The following ARL15 variants were observed in gnomAD, a reference collection of about 807,000 sequenced individuals.
The protein encoded by ARL15 is ADP-ribosylation factor-like protein 15.
In ARL15, 19 loss-of-function variants were observed where a neutral mutation model predicts 25.2. The ratio of observed to expected loss-of-function variants is 0.75; its 90% CI spans 0.53 to 1.10. ARL15 has a LOEUF of 1.10. ARL15 is among the 50% of genes least tolerant of loss of function. The pLI, the probability that ARL15 is intolerant of heterozygous loss-of-function variation, is 0.00. For missense variants in ARL15, 220 were observed against 246.0 expected, an observed-to-expected ratio of 0.89 and a Z score of 0.71; for synonymous variants, 94 against 86.8, an observed-to-expected ratio of 1.08 and a Z score of -0.46.
intron 1 of ARL15, among the ~76,000 whole-genome samples, chr5:54,202,061 T>C (rs1755740307): frequency 6.6e-6 from 1 of 152,146 alleles, no homozygotes. Flanking sequence ...ATGAATGAGC[T>C]CTCTCTTTAG....
intron 4 of ARL15, among the ~76,000 whole-genome samples, chr5:54,073,111 A>G (rs888013335): frequency 2.0e-5 from 3 of 152,248 alleles, no homozygotes; most frequent in Non-Finnish European, 4.4e-5. Context: ...AAAAAAGAAC[A>G]TATAACTGTA....
chr5:54,128,520 T>A (rs956635981), intron 3 of ARL15, among the ~76,000 whole-genome samples: 3 of 152,156 alleles, frequency 2.0e-5, no homozygotes, highest in South Asian at 4.1e-4. Context: ...GTAGCTTCTA[T>A]GTATCAGACG....
At chr5:53,893,911 C>T (rs1744794843) in intron 4 of ARL15, among the ~76,000 whole-genome samples, 1 of 152,144 alleles carries the variant, frequency 6.6e-6, no homozygotes, top group African/African-American at 2.4e-5. Context: ...TTCCTCTTTT[C>T]ATTGCAGGAT....
chr5:54,139,439 T>A (rs1753707316), intron 3 of ARL15, among the ~76,000 whole-genome samples: 1 of 152,164 alleles, frequency 6.6e-6, no homozygotes, highest in South Asian at 2.1e-4. Flanking sequence ...TATATGTTCT[T>A]AGTTATAAGT....
At chr5:54,159,354 G>A (rs890336353) in intron 2 of ARL15, among the ~76,000 whole-genome samples, 3 of 152,130 alleles carry the variant, frequency 2.0e-5, no homozygotes, top group African/African-American at 7.2e-5. Context: ...GTCCTCTGAT[G>A]CCATCTTCAG....
chr5:54,052,454 A>G (rs1006512448), intron 4 of ARL15, among the ~76,000 whole-genome samples: 1 of 152,182 alleles, frequency 6.6e-6, no homozygotes, highest in Non-Finnish European at 1.5e-5. Flanking sequence ...ACTAAAGGTA[A>G]AGGAAACTGT....
chr5:54,305,864 T>C (rs953401198), intron 1 of ARL15, among the ~76,000 whole-genome samples: 2 of 152,194 alleles, frequency 1.3e-5, no homozygotes, highest in Non-Finnish European at 2.9e-5. Flanking sequence ...GAGGCTACTA[T>C]AAACAAATGC....
intron 1 of ARL15, among the ~76,000 whole-genome samples, chr5:54,191,445 T>C (rs1755397504): frequency 6.6e-6 from 1 of 151,982 alleles, no homozygotes; most frequent in Admixed American, 6.6e-5. Flanking sequence ...GCTGCATACT[T>C]AAAAATAGTT....
At chr5:54,114,070 T>C (rs1369184920) in intron 3 of ARL15, among the ~76,000 whole-genome samples, 1 of 152,034 alleles carries the variant, frequency 6.6e-6, no homozygotes, top group Non-Finnish European at 1.5e-5. Context: ...TGAGATAAGA[T>C]GTTTATTAAA....
chr5:54,038,477 GAACT>G (rs1554035772), intron 4 of ARL15, among the ~76,000 whole-genome samples: 1 of 151,620 alleles, frequency 6.6e-6, no homozygotes, highest in Non-Finnish European at 1.5e-5. Flanking sequence ...AAATAACAGA[GAACT>G]AAGTTCCACC....
intron 1 of ARL15, among the ~76,000 whole-genome samples, chr5:54,227,381 A>T (rs1256536507): frequency 2.0e-5 from 3 of 152,226 alleles, no homozygotes; most frequent in Non-Finnish European, 4.4e-5. Flanking sequence ...GCCTTTACAC[A>T]GCTCTTTCAT....
chr5:54,275,035 A>G (rs1757891130), intron 1 of ARL15, among the ~76,000 whole-genome samples: 1 of 152,260 alleles, frequency 6.6e-6, no homozygotes, highest in South Asian at 2.1e-4. Flanking sequence ...TATTGATATC[A>G]TAAAGAAAAC....
intron 4 of ARL15, among the ~76,000 whole-genome samples, chr5:53,942,117 G>A (rs1746557752): frequency 6.6e-6 from 1 of 152,042 alleles, no homozygotes; most frequent in Non-Finnish European, 1.5e-5. Flanking sequence ...AATACTGTAG[G>A]TTCAGGATAT....
At chr5:54,201,793 T>C (rs1255120224) in intron 1 of ARL15, among the ~76,000 whole-genome samples, 5 of 152,136 alleles carry the variant, frequency 3.3e-5, no homozygotes, top group South Asian at 2.1e-4. Context: ...CTGAGCATCA[T>C]TGAATAATTT....
At chr5:54,154,313 G>T in intron 3 of ARL15, 1 of 291,478 alleles carries the variant, frequency 3.4e-6, no homozygotes, top group East Asian at 6.3e-5. Context: ...TTTTGAACAA[G>T]TAAAACCAAT....
intron 4 of ARL15, among the ~76,000 whole-genome samples, chr5:54,064,802 G>C (rs561138328): frequency 6.6e-6 from 1 of 152,006 alleles, no homozygotes; most frequent in African/African-American, 2.4e-5. Context: ...AGGTAACAGG[G>C]GTTTGAACTG....
chr5:53,971,627 C>G (rs1747752962), intron 4 of ARL15, among the ~76,000 whole-genome samples: 1 of 152,022 alleles, frequency 6.6e-6, no homozygotes, highest in South Asian at 2.1e-4. Context: ...AAAAGAAGAG[C>G]CTTTCATTAC....
At chr5:54,033,595 C>G (rs916054983) in intron 4 of ARL15, among the ~76,000 whole-genome samples, 25 of 150,638 alleles carry the variant, frequency 1.7e-4, no homozygotes, top group Non-Finnish European at 3.2e-4. Flanking sequence ...TTGCTTGAAC[C>G]TGGGAGGTGG....
At chr5:53,921,290 T>C (rs923562385) in intron 4 of ARL15, among the ~76,000 whole-genome samples, 5 of 152,154 alleles carry the variant, frequency 3.3e-5, no homozygotes, top group Admixed American at 2.6e-4. Context: ...CCTTGGTCAG[T>C]GAAACTTTAG....
Sources: gnomAD v4.1 joint callset for allele counts (sites outside exome capture counted in the v4.1 genomes callset) on GRCh38, gnomAD v4.1.1 for gene constraint, MANE v1.5 for transcripts, NCBI Gene and HGNC (gene_info 2026-07-23, HGNC 2026-07-21) for gene names.